The following ABRACL variants were observed in gnomAD, a reference collection of about 807,000 sequenced individuals.
The protein encoded by ABRACL is ABRA C-terminal like.
ABRACL carries 4 observed loss-of-function variants against 7.0 expected under a neutral mutation model. The observed-to-expected ratio is 0.57, with a 90% CI of 0.28 to 1.30. The LOEUF (loss-of-function observed/expected upper bound fraction) is 1.30, where lower values mean the gene tolerates loss of function less well. Among genes scored for constraint, ABRACL ranks in the 50% most tolerant of loss-of-function variants. ABRACL has a pLI of 0.10. For synonymous variants in ABRACL, 30 were observed against 36.0 expected, an observed-to-expected ratio of 0.83 and a Z score of 0.60; for missense variants, 104 against 97.3, an observed-to-expected ratio of 1.07 and a Z score of -0.29.
chr6:139,036,215 A>G (rs1375458844), intron 2 of ABRACL, among the ~76,000 whole-genome samples: 1 of 152,044 alleles, frequency 6.6e-6, no homozygotes, highest in Non-Finnish European at 1.5e-5. Context: ...TGCTGGGATT[A>G]CAGGTGTGAG....
At position 139,043,181 on chromosome 6, in the gene ABRACL, ATAAT is replaced by A. The variant is rs1786279409; in HGVS notation, c.*281_*284del. On this transcript the variant is annotated 3_prime_UTR_variant, in exon 3 of 3. Transcript: ENST00000367660. ...CAGGGATGGGAATGTTTGTTCATAA[ATAAT>A]TAGACATTTTCTATAGATATTTGAC... 8.2e-6 allele frequency: 2 copies of A among 243,916 alleles called. No individual in the cohort carries two copies. Among genetic ancestry groups the A allele is most frequent in the South Asian group, 3.0e-4 (2 of 6,596 alleles). 15.1% of individuals were successfully genotyped at this position (243,916 alleles called of 1,614,324 possible). A position where few individuals can be genotyped will look rare whatever the true frequency, so the allele number is the denominator to read the frequency against.
chr6:139,033,108 G>A (rs1182222711), intron 1 of ABRACL, among the ~76,000 whole-genome samples: 1 of 152,232 alleles, frequency 6.6e-6, no homozygotes, highest in Non-Finnish European at 1.5e-5. Flanking sequence ...CCTGGAAGGA[G>A]GAATAGCTAT....
chr6:139,029,277 G>A (rs1786041377), intron 1 of ABRACL, among the ~76,000 whole-genome samples: 1 of 152,158 alleles, frequency 6.6e-6, no homozygotes, highest in African/African-American at 2.4e-5. Flanking sequence ...CGAGGAACGT[G>A]GTGGCCTCAG....
intron 2 of ABRACL, among the ~76,000 whole-genome samples, chr6:139,038,974 A>G (rs990760467): frequency 3.3e-5 from 5 of 152,260 alleles, no homozygotes; most frequent in African/African-American, 1.2e-4. Flanking sequence ...CTATAATCCC[A>G]GCACTTTGGG....
chr6:139,038,653 C>T (rs1394788702), intron 2 of ABRACL, among the ~76,000 whole-genome samples: 1 of 151,938 alleles, frequency 6.6e-6, no homozygotes, highest in Non-Finnish European at 1.5e-5. Context: ...TTTAGTGTCC[C>T]CTTTGTGCTC....
chr6:139,032,086 G>A (rs1011813418), intron 1 of ABRACL, among the ~76,000 whole-genome samples: 3 of 151,598 alleles, frequency 2.0e-5, no homozygotes, highest in African/African-American at 7.3e-5. Context: ...TCAGCCTCCC[G>A]AGTAGCTGGG....
chr6:139,030,363 G>T (rs1786063447), intron 1 of ABRACL, among the ~76,000 whole-genome samples: 1 of 152,084 alleles, frequency 6.6e-6, no homozygotes, highest in African/African-American at 2.4e-5. Context: ...ACTGATCAAT[G>T]CAACACCAGG....
chr6:139,035,362 A>C (rs1786137861), intron 2 of ABRACL, among the ~76,000 whole-genome samples: 1 of 152,234 alleles, frequency 6.6e-6, no homozygotes, highest in Admixed American at 6.5e-5. Flanking sequence ...GGAGGGAATC[A>C]GTTTCCTTGC....
At chr6:139,041,531 A>ATTATTTTTT (rs1554211160) in intron 2 of ABRACL, among the ~76,000 whole-genome samples, 3 of 126,038 alleles carry the variant, frequency 2.4e-5, no homozygotes, top group Admixed American at 9.1e-5. Flanking sequence ...ATATATATAT[A>ATTATTTTTT]TTTTTTTTTA....
chr6:139,037,607 A>G (rs1162451113), intron 2 of ABRACL, among the ~76,000 whole-genome samples: 1 of 151,908 alleles, frequency 6.6e-6, no homozygotes, highest in African/African-American at 2.4e-5. Context: ...GTCTTCCCTA[A>G]CTCAATTTTT....
At chr6:139,032,333 T>C (rs189368767) in intron 1 of ABRACL, among the ~76,000 whole-genome samples, 2 of 152,374 alleles carry the variant, frequency 1.3e-5, no homozygotes, top group East Asian at 3.9e-4. Flanking sequence ...TATTTTCGCT[T>C]TTTAGTCTTG....
At chr6:139,039,026 C>T (rs1350731585) in intron 2 of ABRACL, among the ~76,000 whole-genome samples, 1 of 152,138 alleles carries the variant, frequency 6.6e-6, no homozygotes, top group Admixed American at 6.6e-5. Flanking sequence ...GAGTTCGAGA[C>T]CAGCTTGGCC....
intron 2 of ABRACL, among the ~76,000 whole-genome samples, chr6:139,034,847 A>G (rs1276680145): frequency 1.3e-5 from 2 of 152,200 alleles, no homozygotes; most frequent in Admixed American, 6.5e-5. Context: ...CAAAATTGGT[A>G]GTGTTAGTGT....
intron 1 of ABRACL, among the ~76,000 whole-genome samples, chr6:139,030,413 A>G (rs1002419465): frequency 6.6e-6 from 1 of 150,514 alleles, no homozygotes. Context: ...ACCTCTCTTC[A>G]CCCTCCGCCC....
intron 2 of ABRACL, among the ~76,000 whole-genome samples, chr6:139,035,585 C>A (rs947738270): frequency 6.6e-6 from 1 of 152,000 alleles, no homozygotes; most frequent in East Asian, 2.0e-4. Context: ...CGGGTTCAAG[C>A]GATTCTCCTG....
At chr6:139,041,425 ATCTCTCTCTC>A (rs72110050) in intron 2 of ABRACL, among the ~76,000 whole-genome samples, 2 of 117,268 alleles carry the variant, frequency 1.7e-5, no homozygotes, top group African/African-American at 3.4e-5. Flanking sequence ...CACCAGACCC[ATCTCTCTCTC>A]TCTCTCTCTC....
At chr6:139,042,628 T>C (rs1786268782) in intron 2 of ABRACL, 91 bp from the exon 3 acceptor site, 1 of 1,263,220 alleles carries the variant, frequency 7.9e-7, no homozygotes, top group Admixed American at 2.2e-5. Context: ...TAGCCCATAG[T>C]TATAAATTTA....
intron 2 of ABRACL, among the ~76,000 whole-genome samples, chr6:139,042,074 T>C (rs566273537): frequency 6.6e-6 from 1 of 152,168 alleles, no homozygotes; most frequent in South Asian, 2.1e-4. Context: ...GATAGGGAGG[T>C]GTCTCCCAGA....
chr6:139,033,965 C>T (rs1562219017), intron 1 of ABRACL, among the ~76,000 whole-genome samples, 190 bp from the exon 2 acceptor site: 2 of 128,758 alleles, frequency 1.6e-5, no homozygotes, highest in African/African-American at 2.6e-5. Flanking sequence ...GCTGAGGGGG[C>T]GGTTACAAAG....
Sources: allele counts gnomAD v4.1 joint callset (sites outside exome capture counted in the v4.1 genomes callset), GRCh38; gene constraint gnomAD v4.1.1; transcripts MANE v1.5; gene names NCBI Gene and HGNC (gene_info 2026-07-23, HGNC 2026-07-21).